Variants in JHY observed in about 807,000 individuals in gnomAD.
JHY encodes jhy protein homolog.
A neutral mutation model predicts 78.0 loss-of-function variants in JHY; 69 were observed. That is an observed-to-expected ratio of 0.88 (90% CI 0.73 to 1.08). JHY has a LOEUF of 1.08. Ranked by LOEUF, JHY falls within the 50% of genes least tolerant of loss-of-function variation. The probability of loss-of-function intolerance (pLI) is 0.00; values close to 1 mark genes in which losing one functional copy is unlikely to be tolerated. For missense variants in JHY, 944 were observed against 927.8 expected, an observed-to-expected ratio of 1.02 and a Z score of -0.23; for synonymous variants, 368 against 342.6, an observed-to-expected ratio of 1.07 and a Z score of -0.82.
At chr11:122,949,083 C>A (rs1325176704) in intron 6 of JHY, among the ~76,000 whole-genome samples, 20 of 143,918 alleles carry the variant, frequency 1.4e-4, no homozygotes, top group African/African-American at 1.5e-4. Flanking sequence ...GACTCCATCT[C>A]AAAAAAAAAA....
At chr11:122,931,768 C>T (rs563472215) in intron 4 of JHY, among the ~76,000 whole-genome samples, 6 of 152,186 alleles carry the variant, frequency 3.9e-5, no homozygotes, top group East Asian at 3.9e-4. Context: ...GGCATTGTCC[C>T]GTCTGCTGAT....
At chr11:122,924,222 C>A (rs1722949100) in intron 3 of JHY, among the ~76,000 whole-genome samples, 1 of 151,996 alleles carries the variant, frequency 6.6e-6, no homozygotes, top group African/African-American at 2.4e-5. Context: ...TATTCAAATT[C>A]TCTGAGTACC....
At chr11:122,919,155 C>T (rs1175051682) in intron 3 of JHY, among the ~76,000 whole-genome samples, 4 of 151,670 alleles carry the variant, frequency 2.6e-5, no homozygotes, top group African/African-American at 9.7e-5. Context: ...AGTTCGGGAC[C>T]AGCCTGGCTA....
intron 6 of JHY, chr11:122,947,668 G>A (rs1028482872): frequency 1.3e-5 from 2 of 152,224 alleles, no homozygotes; most frequent in Non-Finnish European, 2.9e-5. Context: ...TAAGCCTGTG[G>A]TGAGTTGGGT....
chr11:122,902,875 C>T (rs1170401922), intron 2 of JHY, among the ~76,000 whole-genome samples: 1 of 152,196 alleles, frequency 6.6e-6, no homozygotes, highest in Non-Finnish European at 1.5e-5. Flanking sequence ...TACAGTTCGA[C>T]ATGAGATTTG....
At chr11:122,908,905 A>C (rs1863051063) in intron 3 of JHY, among the ~76,000 whole-genome samples, 1 of 152,180 alleles carries the variant, frequency 6.6e-6, no homozygotes, top group Non-Finnish European at 1.5e-5. Flanking sequence ...AAATCCTAGA[A>C]ATCAGTAAGA....
At chr11:122,922,836 A>AAAAAAAAAC (rs1565322134) in intron 3 of JHY, among the ~76,000 whole-genome samples, 4 of 148,940 alleles carry the variant, frequency 2.7e-5, no homozygotes, top group African/African-American at 7.6e-5. Context: ...AAAAAAAAAA[A>AAAAAAAAAC]CCAGCAGAGG....
At chr11:122,916,293 C>A (rs921428699) in intron 3 of JHY, among the ~76,000 whole-genome samples, 4 of 152,060 alleles carry the variant, frequency 2.6e-5, no homozygotes, top group Non-Finnish European at 4.4e-5. Flanking sequence ...ACATATACCC[C>A]ATAAATATGT....
intron 4 of JHY, among the ~76,000 whole-genome samples, chr11:122,926,083 G>A (rs1367119473): frequency 6.7e-6 from 1 of 150,168 alleles, no homozygotes; most frequent in Non-Finnish European, 1.5e-5. Context: ...AGCTACTAGG[G>A]AAGCTGAGGC....
At chr11:122,912,209 C>T in intron 3 of JHY, among the ~76,000 whole-genome samples, 1 of 151,498 alleles carries the variant, frequency 6.6e-6, no homozygotes, top group Non-Finnish European at 1.5e-5. Flanking sequence ...ATCACTTGAA[C>T]CTGGGAGGCG....
intron 3 of JHY, chr11:122,905,020 G>A: frequency 1.6e-6 from 1 of 626,898 alleles, no homozygotes; most frequent in Non-Finnish European, 2.6e-6. Context: ...CATAAGGTGG[G>A]TTTTTTTTTT....
In JHY at chr11:122,946,767, A is replaced by G. The variant is rs148125525; in HGVS notation, c.1904A>G (p.Lys635Arg). Residue 635 changes from lysine (K) to arginine (R), a missense_variant, in exon 6 of 9, where the codon AAG becomes AGG. By Grantham distance (26) the Lys-to-Arg change is conservative. Coordinates refer to ENST00000227349, the MANE Select transcript of JHY (RefSeq NM_024806.4). ...CTGTTTCAACTGGAAAAGGGAAAAA[A>G]GCATAAGAAAAGAAGCAGCAGTAAG... ...GYLFQLEKGK[K>R]HKKRSSSKNT... 5.3e-5 allele frequency: 86 copies of G among 1,612,566 alleles called. No individual in the cohort carries two copies. In the African/African-American group the frequency reaches 1.0e-3, roughly 19 times the overall value.
intron 3 of JHY, among the ~76,000 whole-genome samples, chr11:122,922,731 AC>A (rs1341765217): frequency 2.0e-5 from 3 of 147,078 alleles, no homozygotes; most frequent in Non-Finnish European, 4.5e-5. Flanking sequence ...AATGGCGTGA[AC>A]CCGGGAGGCG....
intron 1 of JHY, 109 bp from the exon 2 acceptor site, chr11:122,885,652 G>A: frequency 3.6e-6 from 2 of 552,072 alleles, no homozygotes; most frequent in East Asian, 5.8e-5. Context: ...GCATACAAAA[G>A]CCTGCAGATA....
In JHY at chr11:122,903,960, G is replaced by T; in HGVS notation, c.380G>T (p.Arg127Leu). The T allele has an allele frequency of 1.9e-6, 3 of 1,609,864 alleles. No individual in the cohort carries two copies. The highest frequency in any genetic ancestry group is 2.5e-6 in the Non-Finnish European group (3 of 1,176,998). The change falls in exon 3 of 9, where the codon CGC becomes CTC. Residue 127 changes from arginine to leucine, a missense_variant. Arg to Leu is a moderately radical substitution (Grantham distance 102). Transcript: ENST00000227349. ...QPIEDKYSDLRYDPNWKSKKE... is the reference protein window; with the variant it reads ...QPIEDKYSDLLYDPNWKSKKE... ...ATAGAAGACAAATATTCAGACCTCC[G>T]CTATGACCCGAACTGGAAGAGTAAG...
chr11:122,959,146 G>T, intron 8 of JHY, 102 bp from the exon 9 acceptor site: 2 of 1,415,300 alleles, frequency 1.4e-6, no homozygotes, highest in African/African-American at 2.9e-5. Context: ...AAGTTATAGT[G>T]ATAGTCTCCA....
At chr11:122,957,247 C>A in intron 7 of JHY, 116 bp from the exon 8 acceptor site, 1 of 1,184,640 alleles carries the variant, frequency 8.4e-7, no homozygotes, top group Non-Finnish European at 1.1e-6. Context: ...GATCCCATTG[C>A]TCCTGTACAG....
chr11:122,949,537 G>A (rs993651653), intron 6 of JHY, among the ~76,000 whole-genome samples: 5 of 152,120 alleles, frequency 3.3e-5, no homozygotes, highest in Non-Finnish European at 1.5e-5. Context: ...AAAAGAGGAT[G>A]TCTTGGGGCT....
intron 2 of JHY, among the ~76,000 whole-genome samples, chr11:122,894,770 G>A (rs7934638): frequency 0.31 from 47,170 of 152,058 alleles, 7,815 homozygotes; most frequent in East Asian, 0.44. Context: ...AAAAAAAAAG[G>A]ACTTTGGTTG....
Sources: allele counts gnomAD v4.1 joint callset (sites outside exome capture counted in the v4.1 genomes callset), GRCh38; gene constraint gnomAD v4.1.1; transcripts MANE v1.5; gene names NCBI Gene and HGNC (gene_info 2026-07-23, HGNC 2026-07-21).